The following AHCTF1 variants were observed in gnomAD, a reference collection of about 807,000 sequenced individuals.
The protein encoded by AHCTF1 is AT-hook containing transcription factor 1.
A neutral mutation model predicts 248.4 loss-of-function variants in AHCTF1; 24 were observed. The observed-to-expected ratio is 0.10, with a 90% CI of 0.07 to 0.14. The LOEUF (loss-of-function observed/expected upper bound fraction) is 0.14, where lower values mean the gene tolerates loss of function less well. Among genes scored for constraint, AHCTF1 ranks in the 10% least tolerant of loss-of-function variants. AHCTF1 has a pLI of 1.00. For missense variants in AHCTF1, 2,206 were observed against 2,636.2 expected (o/e 0.84, Z 3.57); for synonymous variants, 786 against 929.8 (o/e 0.85, Z 2.81).
chr1:246,864,681 A>G lies in AHCTF1; in HGVS notation c.3348-565T>C, dbSNP rs1661828221. Reference sequence around the variant, plus strand: ...AAACCCCGTCTCTACTAAAAATACAAAAAAAAAAATTAGCCGGGCGCGGTG... The same window carrying G: ...AAACCCCGTCTCTACTAAAAATACAGAAAAAAAAATTAGCCGGGCGCGGTG... On this transcript the variant is annotated intron_variant, in intron 26 of 35. Coordinates refer to ENST00000648844, the MANE Select transcript of AHCTF1 (RefSeq NM_001323342.2). 8.1e-5 allele frequency among the ~76,000 whole-genome samples: 2 copies of G among 24,614 alleles called. 1 individual carries two copies. The highest frequency in any genetic ancestry group is 1.2e-4 in the Non-Finnish European group (2 of 17,004). 16.1% of individuals were successfully genotyped at this position (24,614 alleles called of 152,430 possible).
Position 246,887,276 on chromosome 1 carries a change from C to A in AHCTF1, c.2407G>T (p.Ala803Ser), listed in dbSNP as rs1663884427. The change falls in exon 20 of 36, where the codon GCC becomes TCC. Residue 803 changes from alanine (A) to serine (S), a missense_variant. Ala to Ser is a moderately conservative substitution (Grantham distance 99). Coordinates refer to ENST00000648844, the MANE Select transcript of AHCTF1 (RefSeq NM_001323342.2). Reference protein sequence around the residue: ...TPIESFPTVFAISWGQVKLIQ... With the variant: ...TPIESFPTVFSISWGQVKLIQ... ...AGTTTAACTTGGCCCCAAGAAATGG[C>A]AAATACAGTTGGGAAAGATTCAATG... The A allele has an allele frequency of 1.9e-6, 3 of 1,613,288 alleles. No homozygotes were observed. Among genetic ancestry groups the A allele is most frequent in the East Asian group, 2.2e-5 (1 of 44,740 alleles).
chr1:246,844,408 C>A (rs1333951899), intron 33 of AHCTF1, among the ~76,000 whole-genome samples: 3 of 152,134 alleles, frequency 2.0e-5, no homozygotes, highest in Non-Finnish European at 2.9e-5. Flanking sequence ...GCCAAAGGAA[C>A]AGAAAAGTTC....
chr1:246,861,395 T>A, intron 28 of AHCTF1, 100 bp from the exon 29 acceptor site: 1 of 1,103,100 alleles, frequency 9.1e-7, no homozygotes, highest in Non-Finnish European at 1.3e-6. Context: ...TTCTTTGTTG[T>A]TTTTACCCAA....
At chr1:246,924,873 G>A (rs1038867167) in intron 1 of AHCTF1, among the ~76,000 whole-genome samples, 1 of 149,746 alleles carries the variant, frequency 6.7e-6, no homozygotes, top group Non-Finnish European at 1.5e-5. Flanking sequence ...ATAAAGGTGT[G>A]CATCAATAGG....
chr1:246,904,023 C>T lies in AHCTF1; in HGVS notation c.892G>A (p.Val298Ile), dbSNP rs149690307. The part of the protein sequence containing the change: ...VQSTQDSEGD[V>I]LSLHLLQLAF... Reference sequence around the variant, plus strand: ...AGCTGCAGCAGATGCAAACTCAAAACATCCCCTTCACTGAAACAGAAATTA... The same window carrying T: ...AGCTGCAGCAGATGCAAACTCAAAATATCCCCTTCACTGAAACAGAAATTA... Residue 298 changes from valine (V) to isoleucine (I), a missense_variant, in exon 7 of 36, where the codon GTT becomes ATT. This residue lies in a region of AHCTF1 where 650 missense variants were observed against 870.8 expected (regional missense o/e 0.75). Transcript: ENST00000648844. 151 of 1,613,938 alleles carry T rather than the reference C, an allele frequency of 9.4e-5. No homozygotes were observed. The African/African-American group carries it at 1.5e-3, about 17-fold the overall frequency.
rs184166984 is a variant in AHCTF1, at chr1:246,878,301, G to A, written c.2661-999C>T. On this transcript the variant is annotated intron_variant, in intron 21 of 35. Transcript: ENST00000648844. ...AGTCCCAGCTATTCAGTAGGCTAAG[G>A]TGGGAGGATTGCTTGATCCTAGGAG... Among the ~76,000 whole-genome samples, 123 of 149,810 alleles carry A rather than the reference G, an allele frequency of 8.2e-4. 1 individual carries two copies. The highest frequency in any genetic ancestry group is 7.4e-3 in the Admixed American group (111 of 14,956).
In AHCTF1 at chr1:246,858,009, G is replaced by C. The variant is rs571979893; in HGVS notation, c.4133-195C>G. Among the ~76,000 whole-genome samples, 6 of 150,956 alleles carry C rather than the reference G, an allele frequency of 4.0e-5. No homozygotes were observed. The East Asian group carries it at 1.2e-3, about 29-fold the overall frequency. On this transcript the variant is annotated intron_variant, in intron 29 of 35. Transcript: ENST00000648844. ...GAGTCTTGCTGTGTCGCCCAGGCTG[G>C]AGTGCAGTGGCGCTATCTTGGCTCA...
At chr1:246,921,411 AT>A (rs1666543325) in intron 1 of AHCTF1, among the ~76,000 whole-genome samples, 1 of 152,154 alleles carries the variant, frequency 6.6e-6, no homozygotes, top group South Asian at 2.1e-4. Flanking sequence ...CAAATAAATT[AT>A]TTTGTACCTA....
intron 29 of AHCTF1, among the ~76,000 whole-genome samples, chr1:246,860,192 G>C (rs575173036): frequency 1.3e-4 from 20 of 151,844 alleles, no homozygotes; most frequent in South Asian, 2.1e-4. Flanking sequence ...CCTGGTTGGG[G>C]GGGGGGCGGA....
At chr1:246,920,656 G>A (rs1163182376) in intron 1 of AHCTF1, among the ~76,000 whole-genome samples, 1 of 151,974 alleles carries the variant, frequency 6.6e-6, no homozygotes, top group African/African-American at 2.4e-5. Context: ...TGTAGTTCCA[G>A]CTACTCGGGA....
intron 3 of AHCTF1, among the ~76,000 whole-genome samples, chr1:246,915,187 G>T (rs145146408): frequency 6.6e-6 from 1 of 152,092 alleles, no homozygotes; most frequent in Non-Finnish European, 1.5e-5. Flanking sequence ...AAAATTAGCT[G>T]GGCGTGGTGG....
intron 31 of AHCTF1, among the ~76,000 whole-genome samples, chr1:246,854,573 T>G (rs1044894541): frequency 6.6e-6 from 1 of 152,168 alleles, no homozygotes; most frequent in African/African-American, 2.4e-5. Flanking sequence ...TTAAATATAT[T>G]ACATGAGAAA....
At chr1:246,927,283 A>T (rs1241449730) in intron 1 of AHCTF1, among the ~76,000 whole-genome samples, 1 of 152,120 alleles carries the variant, frequency 6.6e-6, no homozygotes, top group Non-Finnish European at 1.5e-5. Context: ...GGAGTTGGTT[A>T]GAGACCAGTC....
At chr1:246,920,142 CAAAAAAAAAAA>C (rs68194249) in intron 1 of AHCTF1, among the ~76,000 whole-genome samples, 5 of 40,804 alleles carry the variant, frequency 1.2e-4, no homozygotes, top group African/African-American at 4.4e-4. Flanking sequence ...CTGTCCCCCG[CAAAAAAAAAAA>C]AAAAAAAAAA....
At position 246,891,079 on chromosome 1, in the gene AHCTF1, A is replaced by AT; in HGVS notation, c.1946-20dup. 6.7e-7 allele frequency: 1 copy of AT among 1,492,654 alleles called. No individual in the cohort carries two copies. Among genetic ancestry groups the AT allele is most frequent in the Non-Finnish European group, 8.9e-7 (1 of 1,118,548 alleles). 92.5% of individuals were successfully genotyped at this position (1,492,654 alleles called of 1,614,324 possible). On this transcript the variant is annotated intron_variant, in intron 15 of 35. Transcript: ENST00000648844. ...ATCAGTCCTGTAAAGAAGAGTTAAC[A>AT]TCAGTTGTTTACTTACAAAAAAATC...
At chr1:246,874,558 A>C (rs557450253) in intron 24 of AHCTF1, among the ~76,000 whole-genome samples, 8 of 152,302 alleles carry the variant, frequency 5.3e-5, no homozygotes, top group Non-Finnish European at 8.8e-5. Context: ...GGCCACCCAA[A>C]AAAATATAAA....
intron 1 of AHCTF1, among the ~76,000 whole-genome samples, chr1:246,921,023 A>G (rs1444568355): frequency 1.3e-5 from 2 of 151,984 alleles, no homozygotes; most frequent in East Asian, 3.9e-4. Flanking sequence ...ACCTGGGAGA[A>G]GGAGGTTGCA....
chr1:246,879,145 A>G (rs1043070022), intron 21 of AHCTF1, among the ~76,000 whole-genome samples: 1 of 152,102 alleles, frequency 6.6e-6, no homozygotes, highest in Non-Finnish European at 1.5e-5. Flanking sequence ...ACAACACAGG[A>G]AAAAAAGCCA....
intron 24 of AHCTF1, among the ~76,000 whole-genome samples, chr1:246,872,812 G>A (rs1242197858): frequency 6.6e-6 from 1 of 152,116 alleles, no homozygotes; most frequent in East Asian, 1.9e-4. Context: ...GACCAAGAGG[G>A]CAGTAAAACA....
Sources: allele counts gnomAD v4.1 joint callset (sites outside exome capture counted in the v4.1 genomes callset), GRCh38; gene constraint gnomAD v4.1.1; regional missense constraint gnomAD v4.1.1; transcripts MANE v1.5; gene names NCBI Gene and HGNC (gene_info 2026-07-23, HGNC 2026-07-21).